LRMDA: variants seen among roughly 807,000 people sequenced by gnomAD.
The protein encoded by LRMDA is leucine rich melanocyte differentiation associated.
Under a neutral mutation model 29.8 loss-of-function variants are expected in LRMDA, and 18 were observed. The observed-to-expected ratio is 0.60, with a 90% CI of 0.42 to 0.90. The LOEUF (loss-of-function observed/expected upper bound fraction) is 0.90, where lower values mean the gene tolerates loss of function less well. Ranked by LOEUF, LRMDA falls within the 40% of genes least tolerant of loss-of-function variation. The pLI, the probability that LRMDA is intolerant of heterozygous loss-of-function variation, is 0.00. For synonymous variants in LRMDA, 125 were observed against 109.4 expected, an observed-to-expected ratio of 1.14 and a Z score of -0.89; for missense variants, 273 against 273.9, an observed-to-expected ratio of 1.00 and a Z score of 0.02.
chr10:75,919,805 G>C (rs1345592669), intron 2 of LRMDA, among the ~76,000 whole-genome samples: 1 of 152,172 alleles, frequency 6.6e-6, no homozygotes, highest in Admixed American at 6.5e-5. Flanking sequence ...CCTGGAGAAG[G>C]TCCAGGGAGC....
At chr10:76,480,429 A>G (rs1300082433) in intron 6 of LRMDA, among the ~76,000 whole-genome samples, 3 of 151,934 alleles carry the variant, frequency 2.0e-5, no homozygotes. Flanking sequence ...GTCATAGAAT[A>G]GTAGAGCTGG....
intron 2 of LRMDA, among the ~76,000 whole-genome samples, chr10:75,672,898 G>A (rs1278259636): frequency 2.0e-5 from 3 of 150,620 alleles, no homozygotes; most frequent in African/African-American, 7.3e-5. Flanking sequence ...TCCACCGTTG[G>A]CTTTTAATGG....
chr10:75,868,895 C>T (rs1236535711), intron 2 of LRMDA, among the ~76,000 whole-genome samples: 1 of 152,212 alleles, frequency 6.6e-6, no homozygotes, highest in Non-Finnish European at 1.5e-5. Context: ...GGCTTGACCC[C>T]ACCCCTGGCA....
At chr10:75,902,099 A>G (rs966436641) in intron 2 of LRMDA, among the ~76,000 whole-genome samples, 2 of 151,952 alleles carry the variant, frequency 1.3e-5, no homozygotes, top group Admixed American at 1.3e-4. Flanking sequence ...TTCCCCCCAC[A>G]AGAGGCCTTT....
chr10:76,011,135 G>T (rs1017256858), intron 2 of LRMDA, among the ~76,000 whole-genome samples: 1 of 152,160 alleles, frequency 6.6e-6, no homozygotes, highest in Non-Finnish European at 1.5e-5. Context: ...TTAGGAGGAT[G>T]GGGTAGAGAG....
intron 5 of LRMDA, among the ~76,000 whole-genome samples, chr10:76,142,318 A>G (rs889854292): frequency 6.6e-6 from 1 of 151,856 alleles, no homozygotes; most frequent in Non-Finnish European, 1.5e-5. Context: ...GAATGAACCA[A>G]CCCAAGAATT....
Position 76,315,354 on chromosome 10 carries a change from C to T in LRMDA, c.517-9047C>T, listed in dbSNP as rs1054201889. Among the ~76,000 whole-genome samples, 11 of 152,330 alleles carry T rather than the reference C, an allele frequency of 7.2e-5. No individual in the cohort carries two copies. In the East Asian group the frequency reaches 1.4e-3, roughly 19 times the overall value. On this transcript the variant is annotated intron_variant, in intron 5 of 6. Transcript: ENST00000611255. Reference sequence around the variant, plus strand: ...CTTGGTGCAGCTGCAGCTTCCCAGCCGCACTCTGGACCCTGGCATCCCTGT... The same window carrying T: ...CTTGGTGCAGCTGCAGCTTCCCAGCTGCACTCTGGACCCTGGCATCCCTGT...
intron 2 of LRMDA, among the ~76,000 whole-genome samples, chr10:75,919,667 A>G (rs1394082986): frequency 6.6e-6 from 1 of 152,132 alleles, no homozygotes; most frequent in Non-Finnish European, 1.5e-5. Context: ...ACCCCCCGAA[A>G]AAGGCTTTCT....
At chr10:75,759,333 G>A (rs571763929) in intron 2 of LRMDA, among the ~76,000 whole-genome samples, 1 of 152,226 alleles carries the variant, frequency 6.6e-6, no homozygotes. Flanking sequence ...TTGGGGCTCC[G>A]TGTCATCAAA....
At chr10:76,037,769 A>G (rs1848277025) in intron 3 of LRMDA, among the ~76,000 whole-genome samples, 1 of 152,204 alleles carries the variant, frequency 6.6e-6, no homozygotes, top group Non-Finnish European at 1.5e-5. Flanking sequence ...ATCACCTCCC[A>G]AAGGCCTCAT....
chr10:75,764,662 G>A (rs191150414), intron 2 of LRMDA, among the ~76,000 whole-genome samples: 26 of 152,210 alleles, frequency 1.7e-4, no homozygotes, highest in African/African-American at 4.1e-4. Flanking sequence ...TCAAGGGCAC[G>A]GCTAACAGAC....
intron 2 of LRMDA, among the ~76,000 whole-genome samples, chr10:75,926,983 C>G (rs4746340): frequency 0.84 from 127,608 of 152,190 alleles, 53,856 homozygotes; most frequent in African/African-American, 0.94. Flanking sequence ...TCCACGCTGC[C>G]CTCTGGCTGC....
Position 76,361,647 on chromosome 10 carries a change from T to G in LRMDA, c.601+37162T>G, listed in dbSNP as rs754995406. On this transcript the variant is annotated intron_variant, in intron 6 of 6. Transcript: ENST00000611255. ...AGGCAGAAAAATCATTCCCCTATTC[T>G]ACTCCAATATGTGCCAGTTGAAAGT... is the stretch of plus-strand genomic sequence containing the variant. 9.2e-5 allele frequency among the ~76,000 whole-genome samples: 14 copies of G among 152,278 alleles called. 1 individual carries two copies. The East Asian group carries it at 9.7e-4, about 11-fold the overall frequency.
At chr10:76,489,289 A>C (rs759601775) in intron 6 of LRMDA, among the ~76,000 whole-genome samples, 1 of 151,828 alleles carries the variant, frequency 6.6e-6, no homozygotes, top group Non-Finnish European at 1.5e-5. Flanking sequence ...TAGATTTTCC[A>C]ATTTATTGGC....
Position 76,557,456 on chromosome 10 carries a change from AT to A in LRMDA, c.*169del. 1 of 630,234 alleles carries A rather than the reference AT, an allele frequency of 1.6e-6. No homozygotes were observed. The highest frequency in any genetic ancestry group is 2.8e-6 in the Non-Finnish European group (1 of 358,052). The allele number at this position is 630,234 out of a possible 1,614,324, so 39.0% of individuals were successfully genotyped here. A position where few individuals can be genotyped will look rare whatever the true frequency, so the allele number is the denominator to read the frequency against. On this transcript the variant is annotated 3_prime_UTR_variant, in exon 7 of 7. Transcript: ENST00000611255. The stretch of plus-strand genomic sequence containing the variant: ...CGCTGACTTTGCCAGGCCTGTCAAG[AT>A]GATCCTTCTGCCTTAGACTGAGTGG...
chr10:75,669,363 A>G (rs1841863923), intron 2 of LRMDA, among the ~76,000 whole-genome samples: 1 of 152,140 alleles, frequency 6.6e-6, no homozygotes, highest in South Asian at 2.1e-4. Context: ...CCCCTTGATG[A>G]AGCCTGTTTT....
intron 2 of LRMDA, among the ~76,000 whole-genome samples, chr10:75,877,087 G>A (rs1845211220): frequency 6.6e-6 from 1 of 152,230 alleles, no homozygotes; most frequent in African/African-American, 2.4e-5. Flanking sequence ...GCTAGGATAA[G>A]TAATTTTCCC....
At chr10:75,687,923 A>G (rs79340744) in intron 2 of LRMDA, among the ~76,000 whole-genome samples, 2,229 of 152,166 alleles carry the variant, frequency 0.015, 68 homozygotes, top group African/African-American at 0.051. Context: ...AGTGTAGATT[A>G]GAGCACATCT....
rs1275689733 is a variant in LRMDA at position 76,326,698 on chromosome 10, C to G, written c.601+2213C>G. On this transcript the variant is annotated intron_variant, in intron 6 of 6. Coordinates refer to ENST00000611255, the MANE Select transcript of LRMDA (RefSeq NM_001305581.2). The stretch of plus-strand genomic sequence containing the variant: ...GCAAATTGCTATTTTTCTGTACATG[C>G]CATTTTCCCTTTACTTGTCCTTTTA... Among the ~76,000 whole-genome samples, 4 of 152,188 alleles carry G rather than the reference C, an allele frequency of 2.6e-5. No homozygotes were observed. The East Asian group carries it at 7.7e-4, about 29-fold the overall frequency.
Sources: gnomAD v4.1 joint callset for allele counts (sites outside exome capture counted in the v4.1 genomes callset) on GRCh38, gnomAD v4.1.1 for gene constraint, MANE v1.5 for transcripts, NCBI Gene and HGNC (gene_info 2026-07-23, HGNC 2026-07-21) for gene names.